Variants in ZCCHC10 observed in about 807,000 individuals in gnomAD.
ZCCHC10 encodes zinc finger CCHC-type containing 10, also known as zinc finger CCHC domain-containing protein 10.
A neutral mutation model predicts 19.5 loss-of-function variants in ZCCHC10; 16 were observed. That is an observed-to-expected ratio of 0.82 (90% CI 0.56 to 1.25). The LOEUF (loss-of-function observed/expected upper bound fraction) is 1.25, where lower values mean the gene tolerates loss of function less well. Among genes scored for constraint, ZCCHC10 ranks in the 50% most tolerant of loss-of-function variants. The pLI, the probability that ZCCHC10 is intolerant of heterozygous loss-of-function variation, is 0.00. For missense variants in ZCCHC10, 197 were observed against 201.0 expected, an observed-to-expected ratio of 0.98 and a Z score of 0.12; for synonymous variants, 67 against 72.5, an observed-to-expected ratio of 0.92 and a Z score of 0.38.
chr5:133,019,845 G>T (rs1205013512), intron 2 of ZCCHC10, among the ~76,000 whole-genome samples: 1 of 151,826 alleles, frequency 6.6e-6, no homozygotes, highest in Non-Finnish European at 1.5e-5. Flanking sequence ...CTAGCTACTT[G>T]GGAGGCTGAG....
intron 4 of ZCCHC10, 113 bp from the exon 5 acceptor site, chr5:132,998,963 T>A: frequency 7.3e-7 from 1 of 1,373,014 alleles, no homozygotes; most frequent in Non-Finnish European, 9.8e-7. Context: ...TTGCCCAGTG[T>A]GGAGTGCAGT....
chr5:133,026,503 C>G lies in ZCCHC10; in HGVS notation c.35G>C (p.Arg12Thr). 1 of 1,613,850 alleles carries G rather than the reference C, an allele frequency of 6.2e-7. No individual in the cohort carries two copies. Among genetic ancestry groups the G allele is most frequent in the Non-Finnish European group, 8.5e-7 (1 of 1,179,968 alleles). Residue 12 changes from arginine (R) to threonine (T), a missense_variant, in exon 1 of 5, where the codon AGA becomes ACA. Transcript: ENST00000509437. ...ATPMHRLIAR[R>T]QAFDTELQPV... ...GAACCGGATCCTTACTTACGCTTGT[C>G]TCCGGGCTATTAGCCGATGCATGGG... is the stretch of plus-strand genomic sequence containing the variant.
chr5:133,010,258 TG>T (rs1158044478), intron 2 of ZCCHC10, among the ~76,000 whole-genome samples: 13 of 152,024 alleles, frequency 8.6e-5, no homozygotes, highest in Admixed American at 7.9e-4. Context: ...CGTATTATCC[TG>T]GCTGGTCTCG....
intron 3 of ZCCHC10, among the ~76,000 whole-genome samples, chr5:133,001,130 G>A (rs537843537): frequency 6.6e-6 from 1 of 151,782 alleles, no homozygotes; most frequent in South Asian, 2.1e-4. Context: ...GCTCACACCT[G>A]TAATCCCAGC....
intron 3 of ZCCHC10, among the ~76,000 whole-genome samples, chr5:133,001,204 A>C (rs1228838215): frequency 1.3e-5 from 2 of 151,628 alleles, no homozygotes; most frequent in Non-Finnish European, 1.5e-5. Flanking sequence ...CCTGGCCAAC[A>C]TGGTGAAACC....
intron 2 of ZCCHC10, among the ~76,000 whole-genome samples, chr5:133,012,136 C>CAAAAAAA (rs1172354725): frequency 2.4e-4 from 18 of 74,770 alleles, no homozygotes; most frequent in South Asian, 5.8e-4. Context: ...GCCTCCATCT[C>CAAAAAAA]AAAAAAAAAA....
intron 2 of ZCCHC10, 66 bp from the exon 3 acceptor site, chr5:133,006,986 T>C (rs977388654): frequency 7.2e-6 from 10 of 1,389,826 alleles, no homozygotes; most frequent in Admixed American, 2.8e-5. Flanking sequence ...CTAAAAACTA[T>C]AAAAAAATAT....
intron 3 of ZCCHC10, among the ~76,000 whole-genome samples, chr5:133,001,670 T>C (rs1561533020): frequency 6.6e-6 from 1 of 152,026 alleles, no homozygotes. Context: ...TTGCCCAGCC[T>C]GGTCCTGAAC....
intron 2 of ZCCHC10, among the ~76,000 whole-genome samples, chr5:133,007,643 C>A (rs1338550082): frequency 1.3e-5 from 2 of 152,092 alleles, no homozygotes; most frequent in African/African-American, 4.8e-5. Context: ...TTCCTCCTTG[C>A]CTTCTGCCAT....
chr5:133,000,271 A>C (rs1762683983), intron 3 of ZCCHC10, 98 bp from the exon 4 acceptor site: 14 of 1,359,938 alleles, frequency 1.0e-5, no homozygotes, highest in Non-Finnish European at 1.4e-5. Flanking sequence ...TTTACTCTGG[A>C]GAAAGATTCT....
At chr5:133,016,419 G>A (rs889367742) in intron 2 of ZCCHC10, among the ~76,000 whole-genome samples, 2 of 152,112 alleles carry the variant, frequency 1.3e-5, no homozygotes, top group Non-Finnish European at 2.9e-5. Flanking sequence ...CCAAAAAGCT[G>A]AGAAGCAATT....
intron 2 of ZCCHC10, among the ~76,000 whole-genome samples, chr5:133,015,072 G>A (rs1245742514): frequency 6.8e-6 from 1 of 146,542 alleles, no homozygotes; most frequent in Non-Finnish European, 1.5e-5. Flanking sequence ...CTTCGCCACT[G>A]TGAGGTTTTT....
intron 2 of ZCCHC10, among the ~76,000 whole-genome samples, chr5:133,014,471 AT>A (rs1314018836): frequency 6.6e-6 from 1 of 151,950 alleles, no homozygotes; most frequent in Non-Finnish European, 1.5e-5. Flanking sequence ...AGACCTATTT[AT>A]TCTTTAGACC....
intron 1 of ZCCHC10, among the ~76,000 whole-genome samples, chr5:133,025,375 G>C (rs1352345510): frequency 6.6e-6 from 1 of 150,936 alleles, no homozygotes; most frequent in Non-Finnish European, 1.5e-5. Context: ...ATGGTGGCGG[G>C]CGCCTGTAGT....
chr5:133,019,142 G>T, intron 2 of ZCCHC10: 1 of 445,404 alleles, frequency 2.2e-6, no homozygotes. Context: ...CTGGCACTTT[G>T]AGAGGCCAAG....
intron 3 of ZCCHC10, among the ~76,000 whole-genome samples, chr5:133,004,110 T>G (rs189469958): frequency 2.6e-5 from 4 of 152,196 alleles, no homozygotes; most frequent in African/African-American, 9.6e-5. Context: ...ATCAATTAAA[T>G]TCCTATTTTT....
At chr5:133,011,323 T>G (rs983589069) in intron 2 of ZCCHC10, 1 of 151,608 alleles carries the variant, frequency 6.6e-6, no homozygotes, top group Non-Finnish European at 1.5e-5. Flanking sequence ...TGTGAGACTT[T>G]TATGCAAAAA....
At chr5:133,018,146 A>G (rs1271125999) in intron 2 of ZCCHC10, among the ~76,000 whole-genome samples, 1 of 71,188 alleles carries the variant, frequency 1.4e-5, no homozygotes, top group Non-Finnish European at 2.7e-5. Context: ...ATCTGTCTCA[A>G]AAAAAAAAAA....
chr5:133,025,175 C>A (rs78831798), intron 1 of ZCCHC10, among the ~76,000 whole-genome samples: 1 of 151,968 alleles, frequency 6.6e-6, no homozygotes, highest in Non-Finnish European at 1.5e-5. Context: ...AGGCAGATGT[C>A]TGGATGTGCA....
Sources: allele counts gnomAD v4.1 joint callset (sites outside exome capture counted in the v4.1 genomes callset), GRCh38; gene constraint gnomAD v4.1.1; transcripts MANE v1.5; gene names NCBI Gene and HGNC (gene_info 2026-07-23, HGNC 2026-07-21).